The following MSI2 variants were observed in gnomAD, a reference collection of about 807,000 sequenced individuals.
MSI2 encodes the protein RNA-binding protein Musashi homolog 2.
MSI2 carries 17 observed loss-of-function variants against 45.6 expected under a neutral mutation model. The ratio of observed to expected loss-of-function variants is 0.37; its 90% CI spans 0.26 to 0.56. The LOEUF (loss-of-function observed/expected upper bound fraction) is 0.56. Among genes scored for constraint, MSI2 ranks in the 20% least tolerant of loss-of-function variants. The pLI is 0.77. For synonymous variants in MSI2, 156 were observed against 158.2 expected (o/e 0.99, Z 0.11); for missense variants, 293 against 444.2 (o/e 0.66, Z 3.06).
In MSI2 at chr17:57,596,803, T is replaced by C; in HGVS notation, c.455-65T>C. ...GACCTCAGGACGTCAGAGAAAAACCTGGGCCTGCCAGAACTGAACTCACCC... is the reference window on the plus strand; with the variant it reads ...GACCTCAGGACGTCAGAGAAAAACCCGGGCCTGCCAGAACTGAACTCACCC... On this transcript the variant is annotated intron_variant, in intron 7 of 13. Coordinates refer to ENST00000284073, the MANE Select transcript of MSI2 (RefSeq NM_138962.4). The surrounding 1 kb of genome is among the most constrained non-coding windows in gnomAD (Gnocchi z 4.6). 2 of 1,185,820 alleles carry C rather than the reference T, an allele frequency of 1.7e-6. No homozygotes were observed. The highest frequency in any genetic ancestry group is 2.5e-6 in the Non-Finnish European group (2 of 796,962). The allele number at this position is 1,185,820 out of a possible 1,614,324, so 73.5% of individuals were successfully genotyped here.
intron 5 of MSI2, among the ~76,000 whole-genome samples, chr17:57,361,765 G>C (rs531527913): frequency 6.6e-6 from 1 of 152,318 alleles, no homozygotes; most frequent in South Asian, 2.1e-4. Flanking sequence ...TCTCAGGGGT[G>C]CAGAGGTGGA....
At chr17:57,515,825 T>C (rs757152533) in intron 6 of MSI2, among the ~76,000 whole-genome samples, 1 of 152,214 alleles carries the variant, frequency 6.6e-6, no homozygotes, top group Non-Finnish European at 1.5e-5. Context: ...AATGAGGGCA[T>C]AGTTGTTTGT....
rs542136451 is a variant in MSI2 at position 57,681,829 on chromosome 17, A to G, written c.*2312A>G. The G allele has an allele frequency of 1.7e-3, 324 of 195,868 alleles. 5 individuals are homozygous for G. Among genetic ancestry groups the G allele is most frequent in the East Asian group, 2.0e-3 (25 of 12,524 alleles). 12.1% of individuals were successfully genotyped at this position (195,868 alleles called of 1,614,324 possible). A position where few individuals can be genotyped will look rare whatever the true frequency, so the allele number is the denominator to read the frequency against. ...AACATAAGTTTTATTTAAAAAAAAA[A>G]AAAGAAAGAAAAAATAGTAAATTCC... On this transcript the variant is annotated 3_prime_UTR_variant, in exon 14 of 14. Transcript: ENST00000284073.
chr17:57,261,984 A>G (rs970189682), intron 4 of MSI2, 167 bp from the exon 5 acceptor site: 25 of 643,710 alleles, frequency 3.9e-5, no homozygotes, highest in Non-Finnish European at 6.4e-5. Context: ...TGTTGGAGGG[A>G]TGGTTAAAGT....
At chr17:57,427,432 A>C (rs922469969) in intron 6 of MSI2, among the ~76,000 whole-genome samples, 4 of 152,068 alleles carry the variant, frequency 2.6e-5, no homozygotes, top group Non-Finnish European at 2.9e-5. Context: ...AAATAAAAGA[A>C]AAAATGTAAA....
rs1913690707 is a variant in MSI2 at position 57,682,713 on chromosome 17, A to C, written c.*3196A>C. On this transcript the variant is annotated 3_prime_UTR_variant, in exon 14 of 14. Coordinates refer to ENST00000284073, the MANE Select transcript of MSI2 (RefSeq NM_138962.4). ...TTTGTTTCAGTTAAGCTCAATGGCG[A>C]ACATGGGAACCACCTTTCGCCTTCC... The C allele has an allele frequency of 4.6e-6, 1 of 219,428 alleles. No homozygotes were observed. The highest frequency in any genetic ancestry group is 9.1e-6 in the Non-Finnish European group (1 of 109,502). The allele number at this position is 219,428 out of a possible 1,614,324, so 13.6% of individuals were successfully genotyped here.
intron 5 of MSI2, among the ~76,000 whole-genome samples, chr17:57,347,501 C>T (rs889466700): frequency 2.7e-5 from 4 of 148,566 alleles, no homozygotes; most frequent in African/African-American, 5.2e-5. Context: ...TGTTCAGACC[C>T]CTTCATGCAG....
intron 9 of MSI2, among the ~76,000 whole-genome samples, chr17:57,624,225 A>G (rs1567943522): frequency 6.6e-6 from 1 of 152,198 alleles, no homozygotes; most frequent in Non-Finnish European, 1.5e-5. Flanking sequence ...TCAGATTAAC[A>G]CTAAAATATT....
intron 7 of MSI2, among the ~76,000 whole-genome samples, chr17:57,572,962 G>C (rs568585470): frequency 6.6e-6 from 1 of 152,360 alleles, no homozygotes; most frequent in East Asian, 1.9e-4. Context: ...TGGAACTGCT[G>C]TGCAAGTGTG....
chr17:57,662,380 G>A (rs1912054304), intron 11 of MSI2, among the ~76,000 whole-genome samples: 1 of 152,170 alleles, frequency 6.6e-6, no homozygotes, highest in Admixed American at 6.5e-5. Flanking sequence ...AATGATAATA[G>A]ATGTTAATAA....
chr17:57,304,706 G>C (rs2143563140), intron 5 of MSI2, among the ~76,000 whole-genome samples: 1 of 152,232 alleles, frequency 6.6e-6, no homozygotes, highest in African/African-American at 2.4e-5. Flanking sequence ...TTACAGGTGT[G>C]AGCCATCGCA....
chr17:57,546,348 G>T (rs1308509597), intron 7 of MSI2, among the ~76,000 whole-genome samples: 1 of 152,174 alleles, frequency 6.6e-6, no homozygotes, highest in Non-Finnish European at 1.5e-5. Context: ...TGGAGGGTGG[G>T]TTTTGATAAG....
At chr17:57,270,451 CTT>C (rs1027500874) in intron 5 of MSI2, among the ~76,000 whole-genome samples, 4 of 152,228 alleles carry the variant, frequency 2.6e-5, no homozygotes, top group African/African-American at 9.6e-5. Context: ...GAGGTTGCCA[CTT>C]TGCCTGATGG....
At chr17:57,665,677 C>A (rs552125517) in intron 11 of MSI2, among the ~76,000 whole-genome samples, 3 of 151,938 alleles carry the variant, frequency 2.0e-5, no homozygotes, top group Non-Finnish European at 4.4e-5. Context: ...TACCGTTCAG[C>A]CCTAGGGTGT....
In MSI2 at chr17:57,622,085, G is replaced by A. The variant is rs572073095; in HGVS notation, c.653-5144G>A. Among the ~76,000 whole-genome samples the A allele has an allele frequency of 3.0e-4, 45 of 152,346 alleles. 1 individual carries two copies. In the South Asian group the frequency reaches 8.5e-3, roughly 29 times the overall value. On this transcript the variant is annotated intron_variant, in intron 9 of 13. Coordinates refer to ENST00000284073, the MANE Select transcript of MSI2 (RefSeq NM_138962.4). ...ATGGTGGCGCATGCCTGTAGTCCTA[G>A]CTACTCGGGAGGCTGAGGCAGAAGA...
At chr17:57,673,178 TC>T (rs1345022466) in intron 11 of MSI2, among the ~76,000 whole-genome samples, 1 of 152,220 alleles carries the variant, frequency 6.6e-6, no homozygotes, top group Non-Finnish European at 1.5e-5. Flanking sequence ...TGTCTCAGTC[TC>T]CTGCTAGTGT....
intron 6 of MSI2, among the ~76,000 whole-genome samples, chr17:57,443,255 C>G (rs1598275760): frequency 6.6e-6 from 1 of 152,302 alleles, no homozygotes; most frequent in South Asian, 2.1e-4. Context: ...TGGACTCCTG[C>G]TTTTCCTTGG....
At chr17:57,584,240 C>A (rs1254309814) in intron 7 of MSI2, among the ~76,000 whole-genome samples, 1 of 152,218 alleles carries the variant, frequency 6.6e-6, no homozygotes, top group African/African-American at 2.4e-5. Context: ...GCCTGGGCTG[C>A]TGGTCACAGC....
intron 5 of MSI2, among the ~76,000 whole-genome samples, chr17:57,289,324 T>G (rs1319522106): frequency 6.6e-6 from 1 of 152,192 alleles, no homozygotes; most frequent in Non-Finnish European, 1.5e-5. Context: ...GACTCTGCAC[T>G]CCTGGGCTCT....
Sources: gnomAD v4.1 joint callset for allele counts (sites outside exome capture counted in the v4.1 genomes callset) on GRCh38, gnomAD v4.1.1 for gene constraint, Gnocchi (gnomAD v3.1) non-coding constraint, MANE v1.5 for transcripts, NCBI Gene and HGNC (gene_info 2026-07-23, HGNC 2026-07-21) for gene names.